The following OSTN variants were observed in gnomAD, a reference collection of about 807,000 sequenced individuals.
OSTN encodes the protein osteocrin.
In OSTN, 9 loss-of-function variants were observed where a neutral mutation model predicts 12.0. The observed-to-expected ratio is 0.75, with a 90% confidence interval of 0.45 to 1.30. The LOEUF (loss-of-function observed/expected upper bound fraction) is 1.30. Among genes scored for constraint, OSTN ranks in the 50% most tolerant of loss-of-function variants. OSTN has a pLI of 0.00. For synonymous variants in OSTN, 59 were observed against 56.9 expected, an observed-to-expected ratio of 1.04 and a Z score of -0.16; for missense variants, 148 against 152.3, an observed-to-expected ratio of 0.97 and a Z score of 0.15.
chr3:191,229,278 A>G (rs1321913103), intron 3 of OSTN, among the ~76,000 whole-genome samples: 9 of 152,262 alleles, frequency 5.9e-5, no homozygotes, highest in African/African-American at 1.9e-4. Flanking sequence ...GATTCAAACA[A>G]TAATCCTTTT....
intron 4 of OSTN, among the ~76,000 whole-genome samples, chr3:191,262,404 A>G (rs1715832277): frequency 6.6e-6 from 1 of 152,228 alleles, no homozygotes; most frequent in Non-Finnish European, 1.5e-5. Flanking sequence ...TACAGCAGAA[A>G]TCTTGTTTAA....
chr3:191,214,671 T>C (rs1327747364), intron 2 of OSTN, among the ~76,000 whole-genome samples: 3 of 152,060 alleles, frequency 2.0e-5, no homozygotes, highest in African/African-American at 7.3e-5. Flanking sequence ...TACTCTTTTG[T>C]TCTACTGGAG....
chr3:191,262,101 C>T (rs1715825345), intron 4 of OSTN, among the ~76,000 whole-genome samples: 1 of 152,082 alleles, frequency 6.6e-6, no homozygotes, highest in Non-Finnish European at 1.5e-5. Context: ...GCCTATAATC[C>T]CAGCTACTCG....
At chr3:191,246,972 C>T (rs1481530383) in intron 3 of OSTN, among the ~76,000 whole-genome samples, 1 of 152,182 alleles carries the variant, frequency 6.6e-6, no homozygotes, top group Non-Finnish European at 1.5e-5. Flanking sequence ...ATCTCTAGGT[C>T]CTTAACCTTA....
At chr3:191,257,214 A>G (rs1016579398) in intron 4 of OSTN, among the ~76,000 whole-genome samples, 1 of 148,048 alleles carries the variant, frequency 6.8e-6, no homozygotes, top group African/African-American at 2.5e-5. Context: ...AAAAAAGACC[A>G]TAGACACACA....
Position 191,262,905 on chromosome 3 carries a change from G to T in OSTN, c.*52G>T. ...GGTGAAATGTCACAGCAATATGGAA[G>T]ATGCTTCACTGAAGTTATTCACACT... is the stretch of plus-strand genomic sequence containing the variant. On this transcript the variant is annotated 3_prime_UTR_variant, in exon 5 of 5. Coordinates refer to ENST00000682035, the MANE Select transcript of OSTN (RefSeq NM_198184.2). The T allele has an allele frequency of 1.4e-6, 1 of 701,964 alleles. No individual in the cohort carries two copies. Among genetic ancestry groups the T allele is most frequent in the Non-Finnish European group, 2.6e-6 (1 of 384,360 alleles). 43.5% of individuals were successfully genotyped at this position (701,964 alleles called of 1,614,324 possible). A position where few individuals can be genotyped will look rare whatever the true frequency, so the allele number is the denominator to read the frequency against.
intron 1 of OSTN, among the ~76,000 whole-genome samples, chr3:191,207,978 G>C (rs1362869335): frequency 6.6e-6 from 1 of 152,106 alleles, no homozygotes; most frequent in African/African-American, 2.4e-5. Flanking sequence ...TTATTCAGCA[G>C]AATTATTTAA....
chr3:191,241,886 T>A (rs1204817771), intron 3 of OSTN, among the ~76,000 whole-genome samples: 1 of 152,052 alleles, frequency 6.6e-6, no homozygotes, highest in African/African-American at 2.4e-5. Flanking sequence ...AGAATAACAT[T>A]ATCTAAACAC....
At chr3:191,244,702 A>C (rs939111376) in intron 3 of OSTN, among the ~76,000 whole-genome samples, 7 of 149,714 alleles carry the variant, frequency 4.7e-5, no homozygotes, top group Non-Finnish European at 1.0e-4. Flanking sequence ...GATTGTATAG[A>C]AAGTATTTAA....
At chr3:191,238,674 T>A (rs1576934458) in intron 3 of OSTN, among the ~76,000 whole-genome samples, 1 of 152,264 alleles carries the variant, frequency 6.6e-6, no homozygotes, top group East Asian at 1.9e-4. Context: ...TTCACAAGAG[T>A]GTGCCGCCCT....
chr3:191,240,994 T>G (rs4687200), intron 3 of OSTN, among the ~76,000 whole-genome samples: 114,569 of 151,956 alleles, frequency 0.75, 43,308 homozygotes, highest in Middle Eastern at 0.81. Flanking sequence ...AATTATTGGG[T>G]TCCACCTTGG....
chr3:191,225,104 A>T (rs949873890), intron 3 of OSTN, among the ~76,000 whole-genome samples: 2 of 152,114 alleles, frequency 1.3e-5, no homozygotes, highest in Non-Finnish European at 2.9e-5. Flanking sequence ...AAAAAGTAGA[A>T]AGTAAATTTA....
In OSTN at chr3:191,264,066, GA is replaced by G. The variant is rs1323762491; in HGVS notation, c.*1219del. ...AAAATCACTGTCTGATACGTGGGAG[GA>G]AAAAAGTTTTGTCCAGTAGAGCAAA... On this transcript the variant is annotated 3_prime_UTR_variant, in exon 5 of 5. Transcript: ENST00000682035. 6.6e-6 allele frequency: 1 copy of G among 152,040 alleles called. No homozygotes were observed. Among genetic ancestry groups the G allele is most frequent in the Non-Finnish European group, 1.5e-5 (1 of 67,940 alleles). 9.4% of individuals were successfully genotyped at this position (152,040 alleles called of 1,614,324 possible).
intron 3 of OSTN, among the ~76,000 whole-genome samples, chr3:191,244,973 T>C (rs931682108): frequency 1.4e-4 from 22 of 152,296 alleles, no homozygotes; most frequent in African/African-American, 4.6e-4. Flanking sequence ...TAAACTCTGC[T>C]CTGAGGAACC....
chr3:191,261,669 C>A (rs897936131), intron 4 of OSTN, among the ~76,000 whole-genome samples: 4 of 152,168 alleles, frequency 2.6e-5, no homozygotes, highest in African/African-American at 9.7e-5. Flanking sequence ...ATTTCCATCA[C>A]TAGTTACCAG....
chr3:191,253,322 T>C (rs891496055), intron 4 of OSTN, among the ~76,000 whole-genome samples: 2 of 152,216 alleles, frequency 1.3e-5, no homozygotes, highest in African/African-American at 4.8e-5. Flanking sequence ...TTTTGCTTCA[T>C]TCGAGGTGAA....
chr3:191,246,852 G>A (rs763687536), intron 3 of OSTN, among the ~76,000 whole-genome samples: 8 of 152,064 alleles, frequency 5.3e-5, no homozygotes, highest in South Asian at 2.1e-4. Context: ...CAGCCATGGC[G>A]GTTAAATCCT....
chr3:191,242,891 A>C (rs1429815944), intron 3 of OSTN, among the ~76,000 whole-genome samples: 2 of 152,184 alleles, frequency 1.3e-5, no homozygotes, highest in Non-Finnish European at 2.9e-5. Context: ...AGATGGGAGT[A>C]GATATTTGAA....
chr3:191,216,607 T>C (rs1714618587), intron 2 of OSTN, among the ~76,000 whole-genome samples: 1 of 151,814 alleles, frequency 6.6e-6, no homozygotes, highest in Non-Finnish European at 1.5e-5. Flanking sequence ...AATGCTTTGC[T>C]GCTTAGAAAT....
Sources: gnomAD v4.1 joint callset for allele counts (sites outside exome capture counted in the v4.1 genomes callset) on GRCh38, gnomAD v4.1.1 for gene constraint, MANE v1.5 for transcripts, NCBI Gene and HGNC (gene_info 2026-07-23, HGNC 2026-07-21) for gene names.